CTNND2: variants seen among roughly 807,000 people sequenced by gnomAD.
CTNND2 encodes catenin delta 2.
Under a neutral mutation model 144.4 loss-of-function variants are expected in CTNND2, and 22 were observed. That is an observed-to-expected ratio of 0.15 (90% CI 0.11 to 0.22). The LOEUF (loss-of-function observed/expected upper bound fraction) is 0.22. CTNND2 is among the 10% of genes least tolerant of loss of function. The pLI is 1.00. For missense variants in CTNND2, 1,353 were observed against 1,618.8 expected (o/e 0.84, Z 2.82); for synonymous variants, 751 against 695.6 (o/e 1.08, Z -1.25).
chr5:11,714,912 C>CA (rs1281707875), intron 2 of CTNND2, among the ~76,000 whole-genome samples: 2,168 of 94,682 alleles, frequency 0.023, 50 homozygotes, highest in African/African-American at 0.071. Context: ...TATTCCGTCT[C>CA]AAAAAAAAAA....
chr5:11,174,333 G>C (rs1163719991), intron 11 of CTNND2, among the ~76,000 whole-genome samples: 1 of 152,134 alleles, frequency 6.6e-6, no homozygotes, highest in African/African-American at 2.4e-5. Context: ...GAAATAAAGG[G>C]TTCAAATTAA....
chr5:11,637,491 G>A (rs1781772307), intron 2 of CTNND2, among the ~76,000 whole-genome samples: 2 of 151,288 alleles, frequency 1.3e-5, no homozygotes, highest in African/African-American at 4.9e-5. Context: ...AATTTTATAT[G>A]ACAAAGTTAC....
intron 10 of CTNND2, among the ~76,000 whole-genome samples, chr5:11,212,293 A>C (rs919195817): frequency 6.6e-6 from 1 of 152,232 alleles, no homozygotes; most frequent in Non-Finnish European, 1.5e-5. Flanking sequence ...AGCCCACAGG[A>C]AAGTCACAAA....
chr5:11,718,596 A>C (rs1445852465), intron 2 of CTNND2, among the ~76,000 whole-genome samples: 1 of 152,028 alleles, frequency 6.6e-6, no homozygotes, highest in Non-Finnish European at 1.5e-5. Flanking sequence ...GATTATCAAG[A>C]GTTCTAACAC....
In CTNND2 at chr5:11,317,333, T is replaced by A. The variant is rs1440151888; in HGVS notation, c.1628+29039A>T. Among the ~76,000 whole-genome samples the A allele has an allele frequency of 2.0e-5, 3 of 152,188 alleles. No homozygotes were observed. In the East Asian group the frequency reaches 5.8e-4, roughly 29 times the overall value. On this transcript the variant is annotated intron_variant, in intron 9 of 21. Coordinates refer to ENST00000304623, the MANE Select transcript of CTNND2 (RefSeq NM_001332.4). ...ATATACTATGTCCTCTCCTCACTGA[T>A]AACAGCATTTTGGTGGCTATGGCAG... is the stretch of plus-strand genomic sequence containing the variant.
chr5:11,865,041 A>G (rs1186533601), intron 1 of CTNND2, among the ~76,000 whole-genome samples: 1 of 152,008 alleles, frequency 6.6e-6, no homozygotes, highest in Non-Finnish European at 1.5e-5. Context: ...GATTACAGGC[A>G]TGTGCCACCA....
intron 2 of CTNND2, among the ~76,000 whole-genome samples, chr5:11,692,881 C>T (rs1352088703): frequency 6.6e-6 from 1 of 152,192 alleles, no homozygotes; most frequent in African/African-American, 2.4e-5. Flanking sequence ...GGATTACGGG[C>T]ATGGGCCACT....
intron 12 of CTNND2, among the ~76,000 whole-genome samples, chr5:11,140,640 G>C (rs1756633001): frequency 6.6e-6 from 1 of 152,142 alleles, no homozygotes. Flanking sequence ...GGAAGAAGGA[G>C]AGCCCATTCA....
chr5:11,438,731 G>A (rs966225625), intron 3 of CTNND2, among the ~76,000 whole-genome samples: 1 of 152,176 alleles, frequency 6.6e-6, no homozygotes, highest in Non-Finnish European at 1.5e-5. Flanking sequence ...GGCCAGTTGA[G>A]ATTAGATAAT....
At chr5:11,353,341 C>T (rs554751602) in intron 8 of CTNND2, among the ~76,000 whole-genome samples, 22 of 152,070 alleles carry the variant, frequency 1.4e-4, no homozygotes, top group Non-Finnish European at 3.1e-4. Flanking sequence ...CGTGTTTTAC[C>T]CCCTCTCCTC....
chr5:11,780,084 G>A (rs1335984461), intron 1 of CTNND2, among the ~76,000 whole-genome samples: 2 of 152,154 alleles, frequency 1.3e-5, no homozygotes, highest in Non-Finnish European at 2.9e-5. Flanking sequence ...CTGGAAAAAC[G>A]AGAGAGGAGG....
intron 10 of CTNND2, among the ~76,000 whole-genome samples, chr5:11,229,354 T>C (rs567775590): frequency 2.4e-4 from 36 of 152,188 alleles, no homozygotes; most frequent in Non-Finnish European, 4.4e-4. Flanking sequence ...ATTTATTAAC[T>C]TATAACAAAA....
At chr5:11,476,000 C>T (rs1273868770) in intron 3 of CTNND2, among the ~76,000 whole-genome samples, 1 of 151,690 alleles carries the variant, frequency 6.6e-6, no homozygotes, top group Admixed American at 6.6e-5. Flanking sequence ...GCTGGGACTA[C>T]AGGTGTGCAC....
In CTNND2 at chr5:10,981,787, T is replaced by A. The variant is rs762724120; in HGVS notation, c.3403A>T (p.Ile1135Phe). 1.9e-6 allele frequency: 3 copies of A among 1,613,962 alleles called. No homozygotes were observed. The highest frequency in any genetic ancestry group is 2.5e-6 in the Non-Finnish European group (3 of 1,179,860). ...ATTTACTTTACCTGGTTGTGTTTGA[T>A]GTCTTCAGCGGGCGCACCATAAGAA... Reference protein sequence around the residue: ...RNSYGAPAEDIKHNQVSAQPV... With the variant: ...RNSYGAPAEDFKHNQVSAQPV... The change falls in exon 21 of 22, where the codon ATC becomes TTC. Residue 1135 changes from isoleucine to phenylalanine, a missense_variant. Around this residue, in one of 4 missense-constraint regions of CTNND2, gnomAD observed 459 missense variants for 674.3 expected, o/e 0.68. Transcript: ENST00000304623.
intron 2 of CTNND2, among the ~76,000 whole-genome samples, chr5:11,682,162 C>T (rs1436320654): frequency 2.0e-5 from 3 of 152,194 alleles, no homozygotes; most frequent in Admixed American, 6.5e-5. Flanking sequence ...AGACATGCAT[C>T]GGCGGCACAC....
Position 11,199,438 on chromosome 5 carries a change from T to A in CTNND2, c.1975+10A>T. On this transcript the variant is annotated intron_variant, in intron 11 of 21. Coordinates refer to ENST00000304623, the MANE Select transcript of CTNND2 (RefSeq NM_001332.4). ...GAGATATAATATAATAATTTAATAA[T>A]GATTCTAACCTGTGACCAGCTCCCG... 6.2e-7 allele frequency: 1 copy of A among 1,608,880 alleles called. No individual in the cohort carries two copies. Among genetic ancestry groups the A allele is most frequent in the Non-Finnish European group, 8.5e-7 (1 of 1,176,084 alleles).
rs115739991 is a variant in CTNND2 at position 11,654,822 on chromosome 5, T to A, written c.174+77314A>T. 8.2e-3 allele frequency among the ~76,000 whole-genome samples: 1,241 copies of A among 151,852 alleles called. 17 individuals are homozygous for A. The highest frequency in any genetic ancestry group is 0.029 in the African/African-American group (1,196 of 41,536). On this transcript the variant is annotated intron_variant, in intron 2 of 21. Transcript: ENST00000304623. Reference sequence around the variant, plus strand: ...AGAATGGGCATCCTTGTCTTGTGTCTGATTTTAGAGGAAAAGCTTTTAGCT... The same window carrying A: ...AGAATGGGCATCCTTGTCTTGTGTCAGATTTTAGAGGAAAAGCTTTTAGCT...
At chr5:11,257,496 C>T (rs925106221) in intron 9 of CTNND2, among the ~76,000 whole-genome samples, 1 of 152,104 alleles carries the variant, frequency 6.6e-6, no homozygotes, top group East Asian at 1.9e-4. Flanking sequence ...CAGAAGGCAC[C>T]CCTTCATAGG....
intron 5 of CTNND2, among the ~76,000 whole-genome samples, chr5:11,401,666 A>G (rs781047871): frequency 2.6e-5 from 4 of 152,200 alleles, no homozygotes. Context: ...AACCCATTCA[A>G]TTTTAATGAC....
Sources: gnomAD v4.1 joint callset for allele counts (sites outside exome capture counted in the v4.1 genomes callset) on GRCh38, gnomAD v4.1.1 for gene constraint, gnomAD v4.1.1 regional missense constraint, MANE v1.5 for transcripts, NCBI Gene and HGNC (gene_info 2026-07-23, HGNC 2026-07-21) for gene names.